Variants in LPCAT2 observed in about 807,000 individuals in gnomAD.
LPCAT2 encodes 1-AGP acyltransferase 11.
A neutral mutation model predicts 64.7 loss-of-function variants in LPCAT2; 58 were observed. That is an observed-to-expected ratio of 0.90 (90% CI 0.73 to 1.12). The LOEUF (loss-of-function observed/expected upper bound fraction) is 1.12, where lower values mean the gene tolerates loss of function less well. LPCAT2 is among the 50% of genes most tolerant of loss of function. The pLI is 0.00. For missense variants in LPCAT2, 579 were observed against 669.8 expected (o/e 0.86, Z 1.50); for synonymous variants, 252 against 245.3 (o/e 1.03, Z -0.26).
intron 1 of LPCAT2, among the ~76,000 whole-genome samples, chr16:55,514,890 TTGTGTG>T (rs35295405): frequency 0.033 from 4,635 of 141,286 alleles, 129 homozygotes; most frequent in African/African-American, 0.071. Context: ...ATGCAATGCA[TTGTGTG>T]TGTGTGTGTG....
At chr16:55,523,163 G>C (rs1056822067) in intron 1 of LPCAT2, among the ~76,000 whole-genome samples, 3 of 151,608 alleles carry the variant, frequency 2.0e-5, no homozygotes, top group Non-Finnish European at 4.4e-5. Context: ...ACTAATATTA[G>C]AAGTTAAAGG....
At chr16:55,536,654 G>T (rs1327231517) in intron 7 of LPCAT2, among the ~76,000 whole-genome samples, 1 of 151,950 alleles carries the variant, frequency 6.6e-6, no homozygotes, top group African/African-American at 2.4e-5. Context: ...GATAAATTAT[G>T]TTTTAATTTC....
Position 55,554,823 on chromosome 16 carries a change from A to G in LPCAT2, c.1215+3721A>G, listed in dbSNP as rs111592063. On this transcript the variant is annotated intron_variant, in intron 11 of 13. Transcript: ENST00000262134. Reference sequence around the variant, plus strand: ...CACCTGAACACTTAGGGGCCGTTGTAGTGTTATTACTCGGCCTAATTTCAG... The same window carrying G: ...CACCTGAACACTTAGGGGCCGTTGTGGTGTTATTACTCGGCCTAATTTCAG... Among the ~76,000 whole-genome samples the G allele has an allele frequency of 2.7e-3, 404 of 152,264 alleles. 3 individuals carry two copies. Among genetic ancestry groups the G allele is most frequent in the African/African-American group, 9.1e-3 (378 of 41,566 alleles).
In LPCAT2 at chr16:55,509,202, G is replaced by A; in HGVS notation, c.21G>A (p.Ala7=). 1 of 1,405,514 alleles carries A rather than the reference G, an allele frequency of 7.1e-7. No homozygotes were observed. The highest frequency in any genetic ancestry group is 9.3e-7 in the Non-Finnish European group (1 of 1,074,302). The allele number at this position is 1,405,514 out of a possible 1,614,324, so 87.1% of individuals were successfully genotyped here. A position where few individuals can be genotyped will look rare whatever the true frequency, so the allele number is the denominator to read the frequency against. ...CAACTATGAGCCGGTGCGCCCAGGC[G>A]GCGGAAGTGGCGGCCACAGTGCCAG... is the stretch of plus-strand genomic sequence containing the variant. The part of the protein sequence containing the change: MSRCAQ[A]AEVAATVPGA... The change falls in exon 1 of 14, where the codon GCG becomes GCA. Residue 7 remains alanine, a synonymous_variant. Coordinates refer to ENST00000262134, the MANE Select transcript of LPCAT2 (RefSeq NM_017839.5).
At chr16:55,532,946 C>T (rs1349474619) in intron 6 of LPCAT2, 64 bp downstream of exon 6, 1 of 1,330,770 alleles carries the variant, frequency 7.5e-7, no homozygotes, top group Non-Finnish European at 1.1e-6. Flanking sequence ...TTCTCTGGGA[C>T]CCCTTTTAAT....
rs537805698 is a variant in LPCAT2, at chr16:55,554,411, T to C, written c.1215+3309T>C. ...TTTTATGTTATGGAGACAACTTCTT[T>C]TCTTGAACCTCATGAACCAACCTCT... On this transcript the variant is annotated intron_variant, in intron 11 of 13. Transcript: ENST00000262134. 1.8e-4 allele frequency among the ~76,000 whole-genome samples: 27 copies of C among 152,348 alleles called. No individual in the cohort carries two copies. In the South Asian group the frequency reaches 5.4e-3, roughly 30 times the overall value.
In LPCAT2 at chr16:55,528,400, A is replaced by T; in HGVS notation, c.335A>T (p.Lys112Ile). 6.2e-7 allele frequency: 1 copy of T among 1,613,536 alleles called. No homozygotes were observed. The highest frequency in any genetic ancestry group is 8.5e-7 in the Non-Finnish European group (1 of 1,179,778). ...WRRKITQTAL[K>I]FLGRAMFFSM... Reference sequence around the variant, plus strand: ...AGGAAAATTACTCAAACAGCTTTGAAATTTCTGGGTCGTGCTATGTTCTTT... The same window carrying T: ...AGGAAAATTACTCAAACAGCTTTGATATTTCTGGGTCGTGCTATGTTCTTT... The change falls in exon 3 of 14, where the codon AAA (lysine) becomes ATA (isoleucine). Residue 112 changes from lysine (K) to isoleucine (I), a missense_variant. Coordinates refer to ENST00000262134, the MANE Select transcript of LPCAT2 (RefSeq NM_017839.5).
At chr16:55,551,287 T>C (rs1210109833) in intron 11 of LPCAT2, 185 bp downstream of exon 11, 4 of 346,480 alleles carry the variant, frequency 1.2e-5, no homozygotes, top group Non-Finnish European at 2.1e-5. Context: ...TGTGTGTGTA[T>C]TGTAACATTT....
chr16:55,520,576 C>T (rs1423661789), intron 1 of LPCAT2, among the ~76,000 whole-genome samples: 3 of 151,914 alleles, frequency 2.0e-5, no homozygotes. Context: ...TTCAAGTACA[C>T]ATTTAATGCT....
intron 11 of LPCAT2, chr16:55,567,199 G>A: frequency 6.2e-7 from 1 of 1,613,800 alleles, no homozygotes; most frequent in Non-Finnish European, 8.5e-7. Flanking sequence ...AAGTATCTGT[G>A]GAACAACATC....
chr16:55,560,078 A>T (rs887689985), intron 11 of LPCAT2, among the ~76,000 whole-genome samples: 1 of 152,174 alleles, frequency 6.6e-6, no homozygotes, highest in Non-Finnish European at 1.5e-5. Flanking sequence ...TTTAAACTAG[A>T]GCAAGGGAGT....
intron 12 of LPCAT2, among the ~76,000 whole-genome samples, chr16:55,575,545 C>T (rs558055923): frequency 6.6e-6 from 1 of 152,214 alleles, no homozygotes; most frequent in South Asian, 2.1e-4. Context: ...ACGTAGTTTC[C>T]TTGCTTTTGT....
At chr16:55,555,331 A>ACTAGTTGTT (rs1963562463) in intron 11 of LPCAT2, among the ~76,000 whole-genome samples, 1 of 152,184 alleles carries the variant, frequency 6.6e-6, no homozygotes, top group Non-Finnish European at 1.5e-5. Flanking sequence ...TTGCAGCCTT[A>ACTAGTTGTT]CTAGTTGTTC....
intron 11 of LPCAT2, among the ~76,000 whole-genome samples, chr16:55,552,449 C>T (rs1963528392): frequency 1.3e-5 from 2 of 152,110 alleles, no homozygotes; most frequent in South Asian, 4.1e-4. Flanking sequence ...GTTTTCATTT[C>T]ATTTTACTTG....
chr16:55,577,152 T>C (rs1963836627), intron 12 of LPCAT2, among the ~76,000 whole-genome samples: 1 of 152,158 alleles, frequency 6.6e-6, no homozygotes, highest in African/African-American at 2.4e-5. Context: ...TTTCCAACTA[T>C]TGTATCCCCT....
chr16:55,514,167 T>C (rs757814543), intron 1 of LPCAT2, among the ~76,000 whole-genome samples: 6 of 152,064 alleles, frequency 3.9e-5, no homozygotes, highest in African/African-American at 7.2e-5. Flanking sequence ...GAGATGATCA[T>C]AGGGGACTTT....
At chr16:55,530,799 C>T (rs1963242954) in intron 4 of LPCAT2, among the ~76,000 whole-genome samples, 1 of 152,008 alleles carries the variant, frequency 6.6e-6, no homozygotes, top group South Asian at 2.1e-4. Flanking sequence ...TGGGAGATAA[C>T]AAATATATAA....
intron 12 of LPCAT2, among the ~76,000 whole-genome samples, chr16:55,576,185 C>CT (rs5817022): frequency 0.55 from 80,119 of 145,402 alleles, 21,772 homozygotes; most frequent in East Asian, 0.7. Context: ...CTATAATTAG[C>CT]TTTTTTTTTT....
intron 12 of LPCAT2, among the ~76,000 whole-genome samples, chr16:55,575,270 T>C (rs546325008): frequency 6.6e-6 from 1 of 152,322 alleles, no homozygotes; most frequent in East Asian, 1.9e-4. Flanking sequence ...GGGATCTAAA[T>C]TGGGAGCAGA....
Sources: gnomAD v4.1 joint callset for allele counts (sites outside exome capture counted in the v4.1 genomes callset) on GRCh38, gnomAD v4.1.1 for gene constraint, MANE v1.5 for transcripts, NCBI Gene and HGNC (gene_info 2026-07-23, HGNC 2026-07-21) for gene names.